Variants in MARCHF5 observed in about 807,000 individuals in gnomAD.
The protein encoded by MARCHF5 is membrane associated ring-CH-type finger 5, also known as E3 ubiquitin-protein ligase MARCHF5.
MARCHF5 carries 5 observed loss-of-function variants against 36.5 expected under a neutral mutation model. The observed-to-expected ratio is 0.14, with a 90% CI of 0.07 to 0.29. The LOEUF (loss-of-function observed/expected upper bound fraction) is 0.29, where lower values mean the gene tolerates loss of function less well. Ranked by LOEUF, MARCHF5 falls within the 10% of genes least tolerant of loss-of-function variation. The probability of loss-of-function intolerance (pLI) is 1.00; values close to 1 mark genes in which losing one functional copy is unlikely to be tolerated. For missense variants in MARCHF5, 179 were observed against 336.3 expected, an observed-to-expected ratio of 0.53 and a Z score of 3.66; for synonymous variants, 103 against 109.9, an observed-to-expected ratio of 0.94 and a Z score of 0.39.
At chr10:92,327,344 G>A in intron 2 of MARCHF5, among the ~76,000 whole-genome samples, 1 of 143,880 alleles carries the variant, frequency 7.0e-6, no homozygotes. Flanking sequence ...CCTGGATAAA[G>A]AGCTTTTTAA....
At chr10:92,349,877 G>C (rs770856399) in intron 5 of MARCHF5, 40 bp downstream of exon 5, 3 of 1,519,802 alleles carry the variant, frequency 2.0e-6, no homozygotes, top group Middle Eastern at 1.8e-4. Context: ...CCTTGCAAAA[G>C]AGAATGAAGT....
intron 2 of MARCHF5, among the ~76,000 whole-genome samples, chr10:92,339,643 C>G (rs1843551510): frequency 6.6e-6 from 1 of 152,106 alleles, no homozygotes. Context: ...GCACTCCAAC[C>G]TGGGCGACAG....
chr10:92,307,801 G>C (rs1308970177), intron 1 of MARCHF5, among the ~76,000 whole-genome samples: 1 of 152,020 alleles, frequency 6.6e-6, no homozygotes, highest in African/African-American at 2.4e-5. Context: ...CTTGAACCGG[G>C]AGGCGGAGGT....
intron 1 of MARCHF5, among the ~76,000 whole-genome samples, chr10:92,297,386 T>C (rs1378029814): frequency 6.6e-6 from 1 of 151,430 alleles, no homozygotes; most frequent in African/African-American, 2.4e-5. Context: ...CCCAGGCTGG[T>C]CTCAAACTCC....
At chr10:92,294,120 G>A (rs1485134103) in intron 1 of MARCHF5, among the ~76,000 whole-genome samples, 2 of 152,140 alleles carry the variant, frequency 1.3e-5, no homozygotes, top group Admixed American at 6.5e-5. Context: ...AAATGTTTTA[G>A]ATATGGCAGA....
At chr10:92,316,435 A>G (rs1446655173) in intron 2 of MARCHF5, among the ~76,000 whole-genome samples, 2 of 152,112 alleles carry the variant, frequency 1.3e-5, no homozygotes, top group Non-Finnish European at 2.9e-5. Context: ...GTATGTACCT[A>G]CTTAAAACCT....
Position 92,351,570 on chromosome 10 carries a change from T to C in MARCHF5, c.*363T>C, listed in dbSNP as rs1369254295. ...CAAATGCCTCTTTTGTACATGTTCA[T>C]GTTTAGTGTTTTCTCAGAATCAGCA... On this transcript the variant is annotated 3_prime_UTR_variant, in exon 6 of 6. Coordinates refer to ENST00000358935, the MANE Select transcript of MARCHF5 (RefSeq NM_017824.5). 6.4e-6 allele frequency: 1 copy of C among 156,974 alleles called. No homozygotes were observed. Among genetic ancestry groups the C allele is most frequent in the Non-Finnish European group, 1.4e-5 (1 of 71,250 alleles). 9.7% of individuals were successfully genotyped at this position (156,974 alleles called of 1,614,324 possible).
intron 1 of MARCHF5, among the ~76,000 whole-genome samples, chr10:92,308,239 C>T (rs1355968249): frequency 6.6e-6 from 1 of 152,146 alleles, no homozygotes; most frequent in African/African-American, 2.4e-5. Context: ...CCGCGCCCAG[C>T]CTATGCTTCC....
In MARCHF5 at chr10:92,345,174, A is replaced by T. The variant is rs995335077; in HGVS notation, c.370-4175A>T. Among the ~76,000 whole-genome samples the T allele has an allele frequency of 5.2e-5, 6 of 115,626 alleles. No homozygotes were observed. The South Asian group carries it at 6.9e-4, about 13-fold the overall frequency. 75.9% of individuals were successfully genotyped at this position (115,626 alleles called of 152,430 possible). ...ACTTACTTATCCTTGATTCTGAGTT[A>T]AAAAAAAAAAAACCCTGTTATTTCA... On this transcript the variant is annotated intron_variant, in intron 3 of 5. Coordinates refer to ENST00000358935, the MANE Select transcript of MARCHF5 (RefSeq NM_017824.5).
chr10:92,310,942 A>G (rs1173187837), intron 1 of MARCHF5, among the ~76,000 whole-genome samples, 193 bp from the exon 2 acceptor site: 3 of 152,230 alleles, frequency 2.0e-5, no homozygotes, highest in African/African-American at 7.2e-5. Flanking sequence ...AGAGGAAGAC[A>G]AGGAAAAACA....
intron 2 of MARCHF5, chr10:92,333,544 G>T (rs759190770): frequency 3.8e-5 from 22 of 577,574 alleles, no homozygotes; most frequent in Non-Finnish European, 4.6e-5. Context: ...ATGCTGACAT[G>T]GACAGACATA....
At chr10:92,293,352 G>A (rs1287053723) in intron 1 of MARCHF5, among the ~76,000 whole-genome samples, 2 of 151,996 alleles carry the variant, frequency 1.3e-5, no homozygotes, top group African/African-American at 2.4e-5. Context: ...TGATCCTCCC[G>A]CCTAGCCTCC....
chr10:92,297,666 T>A lies in MARCHF5; in HGVS notation c.35+6137T>A, dbSNP rs11597079. On this transcript the variant is annotated intron_variant, in intron 1 of 5. Transcript: ENST00000358935. The stretch of plus-strand genomic sequence containing the variant: ...GCCACCACACCCAGCTAATTTTTTG[T>A]ATTTTTAGTAGAGACAGGGTTTCAC... Among the ~76,000 whole-genome samples, 3 of 151,814 alleles carry A rather than the reference T, an allele frequency of 2.0e-5. No individual in the cohort carries two copies. The East Asian group carries it at 5.8e-4, about 30-fold the overall frequency.
chr10:92,329,218 A>T (rs1246238414), intron 2 of MARCHF5, among the ~76,000 whole-genome samples: 1 of 152,128 alleles, frequency 6.6e-6, no homozygotes, highest in Non-Finnish European at 1.5e-5. Flanking sequence ...CATTTTGTGT[A>T]TTCACCTGCA....
intron 1 of MARCHF5, among the ~76,000 whole-genome samples, chr10:92,296,626 G>A (rs568071065): frequency 2.6e-5 from 4 of 152,218 alleles, no homozygotes; most frequent in South Asian, 4.1e-4. Context: ...TGCTTCCCCC[G>A]TCTTAAAATA....
At chr10:92,300,330 G>T (rs1294055299) in intron 1 of MARCHF5, among the ~76,000 whole-genome samples, 1 of 150,878 alleles carries the variant, frequency 6.6e-6, no homozygotes, top group South Asian at 2.1e-4. Flanking sequence ...AAAAAAAAAA[G>T]AAAGAAAGAA....
chr10:92,340,047 A>T (rs561509029), intron 2 of MARCHF5, among the ~76,000 whole-genome samples: 1 of 152,338 alleles, frequency 6.6e-6, no homozygotes, highest in East Asian at 1.9e-4. Flanking sequence ...GGTTACCTTT[A>T]TGTACTGTAT....
At chr10:92,341,181 TCAC>T (rs1165077149) in intron 3 of MARCHF5, among the ~76,000 whole-genome samples, 1 of 152,154 alleles carries the variant, frequency 6.6e-6, no homozygotes, top group African/African-American at 2.4e-5. Flanking sequence ...GGCAGGTGGA[TCAC>T]CTGAGGTCAG....
At chr10:92,334,105 G>A (rs1020484927) in intron 2 of MARCHF5, among the ~76,000 whole-genome samples, 4 of 152,168 alleles carry the variant, frequency 2.6e-5, no homozygotes, top group East Asian at 1.9e-4. Context: ...TGGGAGAATC[G>A]CTTGAACCCG....
Sources: allele counts gnomAD v4.1 joint callset (sites outside exome capture counted in the v4.1 genomes callset), GRCh38; gene constraint gnomAD v4.1.1; transcripts MANE v1.5; gene names NCBI Gene and HGNC (gene_info 2026-07-23, HGNC 2026-07-21).